The following CRYBG2 variants were observed in gnomAD, a reference collection of about 807,000 sequenced individuals.
CRYBG2 encodes crystallin beta-gamma domain containing 2, also known as beta/gamma crystallin domain-containing protein 2.
A neutral mutation model predicts 153.4 loss-of-function variants in CRYBG2; 106 were observed. The ratio of observed to expected loss-of-function variants is 0.69; its 90% CI spans 0.59 to 0.81. The LOEUF (loss-of-function observed/expected upper bound fraction) is 0.81, where lower values mean the gene tolerates loss of function less well. Among genes scored for constraint, CRYBG2 ranks in the 30% least tolerant of loss-of-function variants. The pLI, the probability that CRYBG2 is intolerant of heterozygous loss-of-function variation, is 0.00. For synonymous variants in CRYBG2, 851 were observed against 877.8 expected (o/e 0.97, Z 0.54); for missense variants, 1,996 against 2,112.0 (o/e 0.95, Z 1.08).
intron 17 of CRYBG2, chr1:26,326,742 A>T: frequency 2.4e-6 from 1 of 416,012 alleles, no homozygotes; most frequent in South Asian, 1.7e-5. Flanking sequence ...GCCTCTAACA[A>T]AACTAGGCTG....
rs1057031132 is a variant in CRYBG2, at chr1:26,343,911, G to T, written c.2747C>A (p.Thr916Asn). 3.9e-6 allele frequency: 6 copies of T among 1,534,352 alleles called. No individual in the cohort carries two copies. The highest frequency in any genetic ancestry group is 5.3e-6 in the Non-Finnish European group (6 of 1,140,008). ...TTCCGGGGTGGAGGCCTCCTTGGCG[G>T]TAGGCACCAGACTGCCGAACAGAAG... ...GSLLFGSLVPTAKEASTPEPL... is the reference protein window; with the variant it reads ...GSLLFGSLVPNAKEASTPEPL... The change falls in exon 2 of 20, where the codon ACC (threonine) becomes AAC (asparagine). Residue 916 changes from threonine (T) to asparagine (N), a missense_variant. Physicochemically the swap from Thr to Asn is moderately conservative, Grantham distance 65 (BLOSUM62 0). Transcript: ENST00000308182. This position sits in a 1 kb window ranked among gnomAD's most constrained non-coding sequence, Gnocchi z 4.1.
At chr1:26,327,474 C>CA (rs1419285190) in intron 17 of CRYBG2, among the ~76,000 whole-genome samples, 5 of 80,082 alleles carry the variant, frequency 6.2e-5, no homozygotes, top group Non-Finnish European at 5.1e-5. Flanking sequence ...TCTCAAAAAA[C>CA]AAAAAACAAA....
At chr1:26,332,324 A>C (rs1296553253) in intron 14 of CRYBG2, among the ~76,000 whole-genome samples, 1 of 150,750 alleles carries the variant, frequency 6.6e-6, no homozygotes, top group Admixed American at 6.6e-5. Flanking sequence ...AAAAAAAAAA[A>C]GAAAGAAAAA....
chr1:26,330,383 C>A (rs1260627078), intron 15 of CRYBG2, among the ~76,000 whole-genome samples: 1 of 152,088 alleles, frequency 6.6e-6, no homozygotes, highest in Non-Finnish European at 1.5e-5. Flanking sequence ...ACCCCAGAAC[C>A]AGCTGCCTGG....
rs1282402360 is a variant in CRYBG2 at position 26,336,536 on chromosome 1, G to C, written c.4038+70C>G. The C allele has an allele frequency of 3.2e-6, 5 of 1,540,752 alleles. No homozygotes were observed. Among genetic ancestry groups the C allele is most frequent in the African/African-American group, 1.4e-5 (1 of 72,436 alleles). ...GTCCTCCAGCCCGCTACCTCTGCGT[G>C]GGGGCGGGGCGCACCCGAACTCCAG... On this transcript the variant is annotated intron_variant, in intron 12 of 19. Coordinates refer to ENST00000308182, the MANE Select transcript of CRYBG2 (RefSeq NM_001039775.4). The surrounding 1 kb of genome is among the most constrained non-coding windows in gnomAD (Gnocchi z 4.9).
intron 15 of CRYBG2, among the ~76,000 whole-genome samples, chr1:26,329,653 G>T (rs1474410493): frequency 6.6e-6 from 1 of 151,780 alleles, no homozygotes; most frequent in Non-Finnish European, 1.5e-5. Context: ...CTAATTTTTT[G>T]TAGAGACAGG....
Position 26,324,311 on chromosome 1 carries a change from C to A in CRYBG2, c.4579-1G>T. 6.2e-7 allele frequency: 1 copy of A among 1,602,790 alleles called. No homozygotes were observed. The highest frequency in any genetic ancestry group is 8.5e-7 in the Non-Finnish European group (1 of 1,177,498). ...TCCAGAGGCGGAAATAAACCCGGCG[C>A]TGGTGGCAGAAAGAGGCTGAGAGTC... On this transcript the variant is annotated splice_acceptor_variant, in intron 17 of 19. Coordinates refer to ENST00000308182, the MANE Select transcript of CRYBG2 (RefSeq NM_001039775.4). LOFTEE classifies it high-confidence loss of function.
rs868485229 is a variant in CRYBG2 at position 26,328,246 on chromosome 1, C to T, written c.4541G>A (p.Gly1514Asp). 1 of 1,564,312 alleles carries T rather than the reference C, an allele frequency of 6.4e-7. No individual in the cohort carries two copies. The highest frequency in any genetic ancestry group is 8.7e-7 in the Non-Finnish European group (1 of 1,154,388). ...CEITNWLTYS[G>D]TQRVGSLYPI... ...GTAGAGGGAGCCCACCCTCTGGGTG[C>T]CGCTGTAGGTCAGCCAGTTGGTGAT... The change falls in exon 17 of 20, where the codon GGC becomes GAC. Residue 1514 changes from glycine (G) to aspartate (D), a missense_variant. Gly to Asp is a moderately conservative substitution (Grantham distance 94, BLOSUM62 -1). Transcript: ENST00000308182.
intron 14 of CRYBG2, among the ~76,000 whole-genome samples, chr1:26,335,242 C>T (rs2074040508): frequency 6.6e-6 from 1 of 152,020 alleles, no homozygotes; most frequent in African/African-American, 2.4e-5. Flanking sequence ...TTTGGGAGGC[C>T]GAGGTGGGCG....
chr1:26,326,370 TA>T (rs1234647230), intron 17 of CRYBG2, among the ~76,000 whole-genome samples: 1 of 151,796 alleles, frequency 6.6e-6, no homozygotes, highest in Non-Finnish European at 1.5e-5. Flanking sequence ...ACCCCATCTC[TA>T]CTAAAAATAC....
In CRYBG2 at chr1:26,344,298, CG is replaced by C; in HGVS notation, c.2359del (p.Arg787GlufsTer53). The C allele has an allele frequency of 6.6e-7, 1 of 1,511,968 alleles. No homozygotes were observed. Among genetic ancestry groups the C allele is most frequent in the Non-Finnish European group, 8.8e-7 (1 of 1,131,520 alleles). The allele number at this position is 1,511,968 out of a possible 1,614,324, so 93.7% of individuals were successfully genotyped here. The part of the protein sequence containing the change: ...PEILRTHRLP[R>X]APRSSYLSMY... ...GGACAGGTAGGAGGAGCGAGGGGCT[CG>C]TGGCAGCCGGTGAGTGCGGAGGATC... On this transcript the variant is annotated frameshift_variant, in exon 2 of 20. Transcript: ENST00000308182. LOFTEE classifies it high-confidence loss of function.
Position 26,322,332 on chromosome 1 carries a change from C to G in CRYBG2, c.4738-9G>C. On this transcript the variant is annotated splice_polypyrimidine_tract_variant and intron_variant, in intron 18 of 19. Transcript: ENST00000308182. ...CTCATGGTGGGGGCCATCTGAGGCC[C>G]CAGGAGGTCATCAGGCATTGTTCCT... 6.2e-7 allele frequency: 1 copy of G among 1,607,186 alleles called. No individual in the cohort carries two copies. The highest frequency in any genetic ancestry group is 8.5e-7 in the Non-Finnish European group (1 of 1,176,382).
In CRYBG2 at chr1:26,336,378, T is replaced by C. The variant is rs776654837; in HGVS notation, c.4039-8A>G. The C allele has an allele frequency of 2.9e-5, 46 of 1,612,938 alleles. No individual in the cohort carries two copies. Among genetic ancestry groups the C allele is most frequent in the Non-Finnish European group, 3.8e-5 (45 of 1,179,538 alleles). ...CAGATCGTGCTCCCCGACCTGAAGGTAGGGACCGAATCGAGAATTAGGGAG... is the reference window on the plus strand; with the variant it reads ...CAGATCGTGCTCCCCGACCTGAAGGCAGGGACCGAATCGAGAATTAGGGAG... On this transcript the variant is annotated splice_polypyrimidine_tract_variant and splice_region_variant and intron_variant, in intron 12 of 19. Coordinates refer to ENST00000308182, the MANE Select transcript of CRYBG2 (RefSeq NM_001039775.4). This position sits in a 1 kb window ranked among gnomAD's most constrained non-coding sequence, Gnocchi z 4.9.
chr1:26,337,228 G>A, intron 10 of CRYBG2, 25 bp downstream of exon 10: 1 of 1,613,452 alleles, frequency 6.2e-7, no homozygotes, highest in Non-Finnish European at 8.5e-7. Context: ...AGAGGCAGAG[G>A]GATGGGCCAA....
chr1:26,328,912 G>T (rs1022697847), intron 15 of CRYBG2, 39 bp from the exon 16 acceptor site: 3 of 1,609,890 alleles, frequency 1.9e-6, no homozygotes, highest in South Asian at 1.1e-5. Flanking sequence ...GGCTCTGAGA[G>T]CCCAAGTCCC....
Position 26,322,204 on chromosome 1 carries a change from G to C in CRYBG2, c.4857C>G (p.Ile1619Met). The change falls in exon 19 of 20, where the codon ATC (isoleucine) becomes ATG (methionine). Residue 1619 changes from isoleucine to methionine, a missense_variant. Transcript: ENST00000308182. ...QTWSISESGH[I>M]CSQMFEGQIL... ...TCTGGCCTTCGAACATCTGGCTGCA[G>C]ATGTGGCCCGATTCACTGATGCTCC... The C allele has an allele frequency of 6.2e-7, 1 of 1,614,176 alleles. No individual in the cohort carries two copies. The highest frequency in any genetic ancestry group is 1.1e-5 in the South Asian group (1 of 91,080).
Position 26,336,374 on chromosome 1 carries a change from A to G in CRYBG2, c.4039-4T>C. On this transcript the variant is annotated splice_polypyrimidine_tract_variant and splice_region_variant and intron_variant, in intron 12 of 19. Coordinates refer to ENST00000308182, the MANE Select transcript of CRYBG2 (RefSeq NM_001039775.4). This position sits in a 1 kb window ranked among gnomAD's most constrained non-coding sequence, Gnocchi z 4.9. ...AGTGCAGATCGTGCTCCCCGACCTGAAGGTAGGGACCGAATCGAGAATTAG... is the reference window on the plus strand; with the variant it reads ...AGTGCAGATCGTGCTCCCCGACCTGGAGGTAGGGACCGAATCGAGAATTAG... 6.2e-7 allele frequency: 1 copy of G among 1,613,206 alleles called. No homozygotes were observed. The highest frequency in any genetic ancestry group is 8.5e-7 in the Non-Finnish European group (1 of 1,179,608).
In CRYBG2 at chr1:26,346,021, C is replaced by A. The variant is rs2074213747; in HGVS notation, c.637G>T (p.Val213Phe). 6.3e-7 allele frequency: 1 copy of A among 1,593,214 alleles called. No homozygotes were observed. The highest frequency in any genetic ancestry group is 8.5e-7 in the Non-Finnish European group (1 of 1,177,144). Residue 213 changes from valine to phenylalanine, a missense_variant, in exon 2 of 20, where the codon GTC becomes TTC. Transcript: ENST00000308182. The surrounding 1 kb of genome is among the most constrained non-coding windows in gnomAD (Gnocchi z 4.9). ...SGEALPRGRQ[V>F]SRMVPPVVVG... ...ACCACTGGCGGCACCATGCGGGAGACCTGACGGCCCCGTGGCAGGGCCTCG... is the reference window on the plus strand; with the variant it reads ...ACCACTGGCGGCACCATGCGGGAGAACTGACGGCCCCGTGGCAGGGCCTCG...
intron 17 of CRYBG2, 31 bp from the exon 18 acceptor site, chr1:26,324,341 G>A (rs1401415778): frequency 5.1e-6 from 8 of 1,575,116 alleles, no homozygotes; most frequent in African/African-American, 2.7e-5. Context: ...AGAGTCAGGG[G>A]TGCCGGGGAG....
Sources: allele counts gnomAD v4.1 joint callset (sites outside exome capture counted in the v4.1 genomes callset), GRCh38; gene constraint gnomAD v4.1.1; non-coding constraint Gnocchi (gnomAD v3.1); transcripts MANE v1.5; gene names NCBI Gene and HGNC (gene_info 2026-07-23, HGNC 2026-07-21).